BOC: variants seen among roughly 807,000 people sequenced by gnomAD.
BOC encodes brother of CDO.
BOC carries 76 observed loss-of-function variants against 112.0 expected under a neutral mutation model. That is an observed-to-expected ratio of 0.68 (90% CI 0.56 to 0.82). The LOEUF (loss-of-function observed/expected upper bound fraction) is 0.82, where lower values mean the gene tolerates loss of function less well. Among genes scored for constraint, BOC ranks in the 40% least tolerant of loss-of-function variants. The pLI is 0.00. For synonymous variants in BOC, 580 were observed against 599.8 expected (o/e 0.97, Z 0.48); for missense variants, 1,309 against 1,511.7 (o/e 0.87, Z 2.22).
In BOC at chr3:113,250,663, G is replaced by A. The variant is rs565408329; in HGVS notation, c.206G>A (p.Arg69His). ...CCTCCAAGGATGAATGTAACCTGGC[G>A]CCTGAATGGAAAGGAGCTGAATGGC... Reference protein sequence around the residue: ...VEPPRMNVTWRLNGKELNGSD... With the variant: ...VEPPRMNVTWHLNGKELNGSD... Residue 69 changes from arginine to histidine, a missense_variant, in exon 4 of 20, where the codon CGC (arginine) becomes CAC (histidine). Arg to His is a conservative substitution (Grantham distance 29). Transcript: ENST00000682979. 9 of 1,614,170 alleles carry A rather than the reference G, an allele frequency of 5.6e-6. No homozygotes were observed. Among genetic ancestry groups the A allele is most frequent in the East Asian group, 2.2e-5 (1 of 44,888 alleles).
In BOC at chr3:113,285,507, G is replaced by A; in HGVS notation, c.3102G>A (p.Val1034=). ...EQPAAVGQSG[V]RRAPDSPVLE... ...CTGCTGCTGTGGGCCAGTCAGGGGT[G>A]AGGAGAGCCCCCGACAGTCCTGTCC... The change falls in exon 19 of 20, where the codon GTG becomes GTA. Residue 1034 remains valine, a synonymous_variant. Coordinates refer to ENST00000682979, the MANE Select transcript of BOC (RefSeq NM_001378074.1). 6.2e-7 allele frequency: 1 copy of A among 1,613,578 alleles called. No homozygotes were observed. The highest frequency in any genetic ancestry group is 1.1e-5 in the South Asian group (1 of 90,928).
intron 2 of BOC, among the ~76,000 whole-genome samples, chr3:113,240,073 C>G (rs1275315777): frequency 6.6e-6 from 1 of 152,162 alleles, no homozygotes; most frequent in East Asian, 1.9e-4. Flanking sequence ...CTGCATGATA[C>G]TTAGGTTTGA....
At chr3:113,271,278 C>T (rs776116355) in intron 6 of BOC, 14 of 504,864 alleles carry the variant, frequency 2.8e-5, no homozygotes, top group South Asian at 4.7e-5. Flanking sequence ...AGCTCAGCAG[C>T]GGACACAGCA....
rs759792109 is a variant in BOC, at chr3:113,283,601, C to T, written c.2625C>T (p.Pro875=). The T allele has an allele frequency of 1.9e-6, 3 of 1,613,824 alleles. No homozygotes were observed. The South Asian group carries it at 3.3e-5, about 18-fold the overall frequency. The change falls in exon 16 of 20, where the codon CCC becomes CCT. Residue 875 remains proline (P), a synonymous_variant. Transcript: ENST00000682979. ...SIVLIIVTFI[P]FCLWRAWSKQ... The stretch of plus-strand genomic sequence containing the variant: ...TTCTCATCATCGTCACCTTCATCCC[C>T]TTCTGCTTGTGGAGGGCCTGGTCTA...
intron 2 of BOC, among the ~76,000 whole-genome samples, chr3:113,224,886 G>C (rs1941391064): frequency 1.3e-5 from 2 of 152,104 alleles, no homozygotes; most frequent in Non-Finnish European, 2.9e-5. Context: ...GACCATTCTG[G>C]CTAACACTGT....
At chr3:113,240,279 T>C (rs755116984) in intron 2 of BOC, among the ~76,000 whole-genome samples, 5 of 152,234 alleles carry the variant, frequency 3.3e-5, no homozygotes, top group African/African-American at 4.8e-5. Context: ...GCACAGTGTC[T>C]GCCTTGGTTT....
intron 2 of BOC, among the ~76,000 whole-genome samples, chr3:113,218,819 C>T (rs1940000386): frequency 6.6e-6 from 1 of 152,182 alleles, no homozygotes; most frequent in Non-Finnish European, 1.5e-5. Context: ...GAAGTTAGGC[C>T]TGGCTTTGCC....
chr3:113,284,511 G>A lies in BOC; in HGVS notation c.2833G>A (p.Ala945Thr), dbSNP rs1401775301. The change falls in exon 17 of 20, where the codon GCA (alanine) becomes ACA (threonine). Residue 945 changes from alanine (A) to threonine (T), a missense_variant. By Grantham distance (58) the Ala-to-Thr change is moderately conservative. Transcript: ENST00000682979. Reference sequence around the variant, plus strand: ...CATGAATAGGGGCTGCCCCTCGGCTGCAGTGGGCTACCCGGGCATGAAGCC... The same window carrying A: ...CATGAATAGGGGCTGCCCCTCGGCTACAGTGGGCTACCCGGGCATGAAGCC... Reference protein sequence around the residue: ...IHMNRGCPSAAVGYPGMKPQQ... With the variant: ...IHMNRGCPSATVGYPGMKPQQ... 6.2e-7 allele frequency: 1 copy of A among 1,614,084 alleles called. No individual in the cohort carries two copies. The highest frequency in any genetic ancestry group is 8.5e-7 in the Non-Finnish European group (1 of 1,179,942).
At chr3:113,268,274 C>G (rs750852019) in intron 4 of BOC, 25 bp from the exon 5 acceptor site, 1 of 1,613,618 alleles carries the variant, frequency 6.2e-7, no homozygotes, top group Non-Finnish European at 8.5e-7. Context: ...TGTCCTCCAA[C>G]CAGCACCTTC....
At chr3:113,270,156 G>GTAT (rs1947952639) in intron 5 of BOC, 2 of 152,454 alleles carry the variant, frequency 1.3e-5, no homozygotes, top group Non-Finnish European at 2.9e-5. Context: ...TCCTCTCCAA[G>GTAT]TAGCAGAAAT....
At chr3:113,222,452 A>G (rs1376401208) in intron 2 of BOC, among the ~76,000 whole-genome samples, 1 of 152,220 alleles carries the variant, frequency 6.6e-6, no homozygotes, top group Admixed American at 6.5e-5. Context: ...TGTCCCGAGA[A>G]TGCTACTGTT....
At chr3:113,279,193 C>G in intron 11 of BOC, 56 bp from the exon 12 acceptor site, 1 of 1,564,620 alleles carries the variant, frequency 6.4e-7, no homozygotes, top group African/African-American at 1.4e-5. Context: ...CACCCTGCTT[C>G]CTTCCTCACG....
chr3:113,276,695 G>A (rs1018970205), intron 9 of BOC, among the ~76,000 whole-genome samples: 2 of 152,130 alleles, frequency 1.3e-5, no homozygotes, highest in Non-Finnish European at 2.9e-5. Flanking sequence ...TCATTTCCTG[G>A]TGCATCTGCA....
chr3:113,223,086 G>T (rs1941031694), intron 2 of BOC, among the ~76,000 whole-genome samples: 1 of 152,182 alleles, frequency 6.6e-6, no homozygotes, highest in East Asian at 1.9e-4. Context: ...AGATTTGGAA[G>T]CTGAGAAAAA....
chr3:113,217,438 G>C (rs1211729387), intron 2 of BOC, among the ~76,000 whole-genome samples: 1 of 152,130 alleles, frequency 6.6e-6, no homozygotes, highest in Non-Finnish European at 1.5e-5. Context: ...GAGGCAGGAG[G>C]ATCCCTTGAG....
chr3:113,249,420 C>G (rs2107379827), intron 2 of BOC, among the ~76,000 whole-genome samples: 1 of 152,370 alleles, frequency 6.6e-6, no homozygotes, highest in South Asian at 2.1e-4. Context: ...GCCTCAGCCT[C>G]TCTGTATCCT....
chr3:113,282,361 G>A (rs1203503857), intron 15 of BOC, among the ~76,000 whole-genome samples: 2 of 152,144 alleles, frequency 1.3e-5, no homozygotes, highest in Non-Finnish European at 2.9e-5. Flanking sequence ...AGGTGTGGGC[G>A]GGACCAGGGT....
rs1191975395 is a variant in BOC, at chr3:113,263,103, G to T, written c.377-5196G>T. On this transcript the variant is annotated intron_variant, in intron 4 of 19. Transcript: ENST00000682979. ...TTTGTGCCTTGTAGCATTAGCCACA[G>T]ATGCAGCAAGCTGCCACAGGGACAA... 2.2e-4 allele frequency among the ~76,000 whole-genome samples: 34 copies of T among 152,344 alleles called. 1 individual carries two copies. In the South Asian group the frequency reaches 7.0e-3, roughly 32 times the overall value.
chr3:113,278,083 T>C lies in BOC; in HGVS notation c.1543-12T>C, dbSNP rs758157519. The C allele has an allele frequency of 4.3e-6, 7 of 1,614,082 alleles. No individual in the cohort carries two copies. The South Asian group carries it at 6.6e-5, about 15-fold the overall frequency. On this transcript the variant is annotated splice_polypyrimidine_tract_variant and intron_variant, in intron 9 of 19. Transcript: ENST00000682979. The surrounding 1 kb of genome is among the most constrained non-coding windows in gnomAD (Gnocchi z 4.2). ...CTGAGATGCCGGTCTTTATACCAGC[T>C]ACCTTCTCCAGCAGGTCACAAATTC...
Sources: allele counts gnomAD v4.1 joint callset (sites outside exome capture counted in the v4.1 genomes callset), GRCh38; gene constraint gnomAD v4.1.1; non-coding constraint Gnocchi (gnomAD v3.1); transcripts MANE v1.5; gene names NCBI Gene and HGNC (gene_info 2026-07-23, HGNC 2026-07-21).